Variants in TYRP1 observed in about 807,000 individuals in gnomAD.
The protein encoded by TYRP1 is tyrosinase related protein 1, also known as 5,6-dihydroxyindole-2-carboxylic acid oxidase.
Under a neutral mutation model 42.8 loss-of-function variants are expected in TYRP1, and 49 were observed. The ratio of observed to expected loss-of-function variants is 1.14; its 90% CI spans 0.91 to 1.45. TYRP1 has a LOEUF of 1.45. Ranked by LOEUF, TYRP1 falls within the 40% of genes most tolerant of loss-of-function variation. TYRP1 has a pLI of 0.00. For missense variants in TYRP1, 848 were observed against 662.0 expected (o/e 1.28, Z -3.08); for synonymous variants, 279 against 235.4 (o/e 1.19, Z -1.69).
At position 12,704,439 on chromosome 9, in the gene TYRP1, T is replaced by C. The variant is rs1818224693; in HGVS notation, c.1082-87T>C. The C allele has an allele frequency of 1.0e-5, 15 of 1,477,074 alleles. No individual in the cohort carries two copies. In the South Asian group the frequency reaches 1.6e-4, roughly 16 times the overall value. The allele number at this position is 1,477,074 out of a possible 1,614,324, so 91.5% of individuals were successfully genotyped here. A position where few individuals can be genotyped will look rare whatever the true frequency, so the allele number is the denominator to read the frequency against. On this transcript the variant is annotated intron_variant, in intron 5 of 7. Coordinates refer to ENST00000388918, the MANE Select transcript of TYRP1 (RefSeq NM_000550.3). ...ATTGGCCTGACGAGCCTTGAAAAAA[T>C]TGTTTCCCAATATAATCATTGCTAT...
At chr9:12,695,452 G>C (rs897519629) in intron 2 of TYRP1, 63 bp from the exon 3 acceptor site, 1 of 1,454,480 alleles carries the variant, frequency 6.9e-7, no homozygotes, top group Non-Finnish European at 9.6e-7. Flanking sequence ...AGATGATTAT[G>C]CTCTTTCTCT....
chr9:12,704,769 T>A (rs1586845832), intron 6 of TYRP1, 64 bp downstream of exon 6: 1 of 1,517,312 alleles, frequency 6.6e-7, no homozygotes, highest in African/African-American at 1.4e-5. Context: ...GGCATAGTTA[T>A]CAGTTCAAGC....
At chr9:12,702,078 C>T (rs552208436) in intron 4 of TYRP1, among the ~76,000 whole-genome samples, 193 bp from the exon 5 acceptor site, 2 of 151,916 alleles carry the variant, frequency 1.3e-5, no homozygotes, top group Non-Finnish European at 2.9e-5. Flanking sequence ...CTCATATCTA[C>T]TTGATTCAAA....
chr9:12,704,164 T>C (rs146185176), intron 5 of TYRP1, among the ~76,000 whole-genome samples: 233 of 152,118 alleles, frequency 1.5e-3, no homozygotes, highest in African/African-American at 5.3e-3. Context: ...CTTCTCCCAA[T>C]TGTGTCAGCA....
At chr9:12,703,059 G>T (rs55887112) in intron 5 of TYRP1, among the ~76,000 whole-genome samples, 2,609 of 151,992 alleles carry the variant, frequency 0.017, 65 homozygotes, top group African/African-American at 0.057. Flanking sequence ...CTAACAGAGC[G>T]TAGGTTCAAA....
At chr9:12,703,946 AT>A (rs1189364227) in intron 5 of TYRP1, among the ~76,000 whole-genome samples, 1 of 151,324 alleles carries the variant, frequency 6.6e-6, no homozygotes. Flanking sequence ...TGGAATTGAG[AT>A]ATTTATCAAA....
At chr9:12,697,168 A>G (rs541359103) in intron 3 of TYRP1, among the ~76,000 whole-genome samples, 66 of 152,246 alleles carry the variant, frequency 4.3e-4, no homozygotes, top group Middle Eastern at 6.8e-3. Context: ...CCTTCAAGTC[A>G]TTTTCTCATG....
chr9:12,699,716 T>A (rs1183344766), intron 4 of TYRP1, among the ~76,000 whole-genome samples: 1 of 152,098 alleles, frequency 6.6e-6, no homozygotes, highest in Non-Finnish European at 1.5e-5. Context: ...GCTGAATGCA[T>A]GATCCCACCT....
intron 6 of TYRP1, among the ~76,000 whole-genome samples, chr9:12,707,452 G>T (rs953365190): frequency 6.6e-6 from 1 of 151,956 alleles, no homozygotes; most frequent in Non-Finnish European, 1.5e-5. Flanking sequence ...GATGGTGGAA[G>T]TCTCTATAGA....
At chr9:12,696,614 C>A (rs574768884) in intron 3 of TYRP1, among the ~76,000 whole-genome samples, 1 of 152,048 alleles carries the variant, frequency 6.6e-6, no homozygotes, top group East Asian at 1.9e-4. Flanking sequence ...ACAAAGTGAA[C>A]CTCAACTCAA....
chr9:12,709,047 T>C lies in TYRP1; in HGVS notation c.1479T>C (p.Ile493=). Residue 493 remains isoleucine, a synonymous_variant, in exon 8 of 8, where the codon ATT becomes ATC. Coordinates refer to ENST00000388918, the MANE Select transcript of TYRP1 (RefSeq NM_000550.3). ...VVGALLLVAL[I]FGTASYLIRA... ...GCGCTTTGTTACTGGTTGCACTCAT[T>C]TTTGGGACTGCTTCTTATCTGATTC... 6.2e-7 allele frequency: 1 copy of C among 1,612,858 alleles called. No homozygotes were observed. Among genetic ancestry groups the C allele is most frequent in the Non-Finnish European group, 8.5e-7 (1 of 1,179,294 alleles).
At chr9:12,708,931 C>CTA in intron 7 of TYRP1, 46 bp from the exon 8 acceptor site, 1 of 1,522,982 alleles carries the variant, frequency 6.6e-7, no homozygotes. Context: ...TTGGTGATAA[C>CTA]TATTTTAATA....
chr9:12,698,502 G>C lies in TYRP1; in HGVS notation c.760G>C (p.Gly254Arg), dbSNP rs1372994037. ...CCTTCCTTACTGGAATTTTGCAACG[G>C]GGAAAAATGTCTGTGATATCTGCAC... ...FSLPYWNFAT[G>R]KNVCDICTDD... Residue 254 changes from glycine (G) to arginine (R), a missense_variant, in exon 4 of 8, where the codon GGG (glycine) becomes CGG (arginine). Coordinates refer to ENST00000388918, the MANE Select transcript of TYRP1 (RefSeq NM_000550.3). 6.2e-7 allele frequency: 1 copy of C among 1,613,796 alleles called. No individual in the cohort carries two copies. Among genetic ancestry groups the C allele is most frequent in the Admixed American group, 1.7e-5 (1 of 59,954 alleles).
At chr9:12,707,381 A>G (rs755835550) in intron 6 of TYRP1, among the ~76,000 whole-genome samples, 5 of 152,000 alleles carry the variant, frequency 3.3e-5, no homozygotes, top group Non-Finnish European at 7.4e-5. Context: ...TCTTCCTGAA[A>G]CTTTTCTTCC....
chr9:12,708,663 G>GACTT (rs1438849205), intron 7 of TYRP1, among the ~76,000 whole-genome samples: 4 of 151,950 alleles, frequency 2.6e-5, no homozygotes, highest in Non-Finnish European at 5.9e-5. Context: ...AAAAGTACAA[G>GACTT]ACTTATATTC....
Position 12,695,617 on chromosome 9 carries a change from C to G in TYRP1, c.488C>G (p.Thr163Ser). Residue 163 changes from threonine to serine, a missense_variant, in exon 3 of 8, where the codon ACC (threonine) becomes AGC (serine). By Grantham distance (58) the Thr-to-Ser change is moderately conservative (BLOSUM62 1). Coordinates refer to ENST00000388918, the MANE Select transcript of TYRP1 (RefSeq NM_000550.3). ...ACTCACCCTTTATTTGTCATTGCCA[C>G]CAGGAGATCAGAAGAAATACTGGGG... is the stretch of plus-strand genomic sequence containing the variant. ...RTTHPLFVIA[T>S]RRSEEILGPD... 1 of 1,614,146 alleles carries G rather than the reference C, an allele frequency of 6.2e-7. No individual in the cohort carries two copies. Among genetic ancestry groups the G allele is most frequent in the African/African-American group, 1.3e-5 (1 of 75,040 alleles).
At chr9:12,702,474 G>C in intron 5 of TYRP1, 36 bp downstream of exon 5, 1 of 1,600,816 alleles carries the variant, frequency 6.2e-7, no homozygotes, top group Non-Finnish European at 8.5e-7. Flanking sequence ...AAAAGATCTA[G>C]TTATCAGAGA....
chr9:12,698,707 T>C (rs752885823), intron 4 of TYRP1, 52 bp downstream of exon 4: 13 of 1,544,044 alleles, frequency 8.4e-6, no homozygotes, highest in Non-Finnish European at 5.4e-6. Flanking sequence ...GATAAAGAGA[T>C]TAAATATGTT....
intron 4 of TYRP1, among the ~76,000 whole-genome samples, chr9:12,699,246 C>T (rs1041467449): frequency 6.6e-6 from 1 of 152,046 alleles, no homozygotes; most frequent in African/African-American, 2.4e-5. Context: ...TCCCAGCATC[C>T]TTTCTCCAGT....
Sources: allele counts gnomAD v4.1 joint callset (sites outside exome capture counted in the v4.1 genomes callset), GRCh38; gene constraint gnomAD v4.1.1; transcripts MANE v1.5; gene names NCBI Gene and HGNC (gene_info 2026-07-23, HGNC 2026-07-21).